DNAI7: variants seen among roughly 807,000 people sequenced by gnomAD.
The protein encoded by DNAI7 is cancer susceptibility 1.
DNAI7 carries 78 observed loss-of-function variants against 86.6 expected under a neutral mutation model. The ratio of observed to expected loss-of-function variants is 0.90; its 90% CI spans 0.75 to 1.09. The LOEUF is 1.09. DNAI7 is among the 50% of genes least tolerant of loss of function. DNAI7 has a pLI of 0.00. For synonymous variants in DNAI7, 274 were observed against 273.0 expected, an observed-to-expected ratio of 1.00 and a Z score of -0.04; for missense variants, 753 against 810.2, an observed-to-expected ratio of 0.93 and a Z score of 0.86.
In DNAI7 at chr12:25,144,499, C is replaced by G. The variant is rs148684433; in HGVS notation, c.868G>C (p.Asp290His). The change falls in exon 9 of 16, where the codon GAT becomes CAT. Residue 290 changes from aspartate (D) to histidine (H), a missense_variant. Physicochemically the swap from Asp to His is moderately conservative, Grantham distance 81. Coordinates refer to ENST00000395987, the MANE Select transcript of DNAI7 (RefSeq NM_018272.5). ...ATTGCTTTTTCTACATTCTTAACAT[C>G]ATCTTTGACAAGCTCAGTTACTGCA... is the stretch of plus-strand genomic sequence containing the variant. ...TSAVTELVKD[D>H]VKNVEKAISK... 6.2e-7 allele frequency: 1 copy of G among 1,614,122 alleles called. No homozygotes were observed. Among genetic ancestry groups the G allele is most frequent in the Non-Finnish European group, 8.5e-7 (1 of 1,180,016 alleles).
At chr12:25,150,472 C>T (rs973662831) in intron 6 of DNAI7, among the ~76,000 whole-genome samples, 22 of 151,756 alleles carry the variant, frequency 1.4e-4, no homozygotes, top group Admixed American at 8.5e-4. Flanking sequence ...GGTGTGGTGG[C>T]GGGCGCCTGT....
chr12:25,174,496 C>CATATATATGGGA (rs1565811566), intron 2 of DNAI7, among the ~76,000 whole-genome samples: 1 of 2,890 alleles, frequency 3.5e-4, no homozygotes, highest in South Asian at 0.01. Context: ...TATCATATAT[C>CATATATATGGGA]CCATATATAT....
chr12:25,119,033 G>C (rs1940743529), intron 12 of DNAI7, 112 bp downstream of exon 12: 2 of 815,408 alleles, frequency 2.5e-6, no homozygotes, highest in Non-Finnish European at 3.6e-6. Context: ...CCCTTGAATT[G>C]GCATAGAAAT....
chr12:25,185,119 C>T (rs2141328984), intron 2 of DNAI7, among the ~76,000 whole-genome samples: 1 of 152,176 alleles, frequency 6.6e-6, no homozygotes, highest in Admixed American at 6.5e-5. Flanking sequence ...GCCTGGGTGA[C>T]ACAGCAAGAT....
intron 2 of DNAI7, among the ~76,000 whole-genome samples, chr12:25,169,206 C>T (rs2141123347): frequency 6.6e-6 from 1 of 152,266 alleles, no homozygotes; most frequent in South Asian, 2.1e-4. Flanking sequence ...CATTCCACCA[C>T]AAAAGAAGTG....
At chr12:25,113,567 T>C (rs1367970764) in intron 13 of DNAI7, among the ~76,000 whole-genome samples, 1 of 152,162 alleles carries the variant, frequency 6.6e-6, no homozygotes. Flanking sequence ...CCCAAAGTGC[T>C]AGGATTACAG....
chr12:25,143,286 T>C (rs1314675679), intron 9 of DNAI7, among the ~76,000 whole-genome samples: 1 of 149,608 alleles, frequency 6.7e-6, no homozygotes, highest in Non-Finnish European at 1.5e-5. Context: ...TCTCACTCTG[T>C]CACCCAGGCT....
chr12:25,174,497 C>CATATATATCATATATAT (rs1456184035), intron 2 of DNAI7, among the ~76,000 whole-genome samples: 1 of 2,880 alleles, frequency 3.5e-4, no homozygotes, highest in South Asian at 0.01. Context: ...ATCATATATC[C>CATATATATCATATATAT]CATATATATG....
At chr12:25,165,266 T>C (rs1000596538) in intron 2 of DNAI7, among the ~76,000 whole-genome samples, 5 of 152,162 alleles carry the variant, frequency 3.3e-5, no homozygotes, top group Admixed American at 3.3e-4. Context: ...AATAATAAAG[T>C]AGAGGCAGCC....
chr12:25,138,356 A>C (rs986649257), intron 9 of DNAI7, among the ~76,000 whole-genome samples: 1 of 152,184 alleles, frequency 6.6e-6, no homozygotes, highest in Non-Finnish European at 1.5e-5. Context: ...CCAGCTATCC[A>C]GGAGGCTGAA....
chr12:25,143,210 A>G (rs1235327892), intron 9 of DNAI7, among the ~76,000 whole-genome samples: 1 of 150,186 alleles, frequency 6.7e-6, no homozygotes, highest in Non-Finnish European at 1.5e-5. Flanking sequence ...GCATTATGTC[A>G]TATCCATTTT....
chr12:25,160,664 T>G (rs1250046880), intron 3 of DNAI7, among the ~76,000 whole-genome samples: 1 of 152,254 alleles, frequency 6.6e-6, no homozygotes, highest in African/African-American at 2.4e-5. Flanking sequence ...CTTGTCCAAG[T>G]GTGCACCCAC....
chr12:25,124,612 C>T (rs899516718), intron 9 of DNAI7, among the ~76,000 whole-genome samples: 12 of 152,046 alleles, frequency 7.9e-5, no homozygotes, highest in African/African-American at 2.9e-4. Context: ...TAAGTTTGAA[C>T]TAAATTTTTT....
At chr12:25,114,897 C>G (rs917369463) in intron 12 of DNAI7, 27 bp from the exon 13 acceptor site, 3 of 1,521,376 alleles carry the variant, frequency 2.0e-6, no homozygotes, top group Non-Finnish European at 2.7e-6. Flanking sequence ...GAAAGTGACA[C>G]TAGTTTCATT....
intron 14 of DNAI7, 114 bp downstream of exon 14, chr12:25,111,658 C>T (rs1938844982): frequency 2.2e-6 from 1 of 453,614 alleles, no homozygotes; most frequent in African/African-American, 2.1e-5. Flanking sequence ...CTTTATAATA[C>T]TGTATAAATG....
At chr12:25,175,753 C>T (rs779312374) in intron 2 of DNAI7, among the ~76,000 whole-genome samples, 6 of 152,136 alleles carry the variant, frequency 3.9e-5, no homozygotes, top group Non-Finnish European at 5.9e-5. Flanking sequence ...TTTCACAGTA[C>T]TCTTTGAAGT....
chr12:25,152,229 T>G (rs553098738), intron 6 of DNAI7, among the ~76,000 whole-genome samples: 1 of 152,348 alleles, frequency 6.6e-6, no homozygotes, highest in South Asian at 2.1e-4. Context: ...GCTAATATGA[T>G]GAGTCTCAGA....
intron 2 of DNAI7, among the ~76,000 whole-genome samples, chr12:25,172,873 A>G (rs1948296227): frequency 6.6e-6 from 1 of 152,198 alleles, no homozygotes; most frequent in Non-Finnish European, 1.5e-5. Flanking sequence ...TTTTCAACAA[A>G]TGGTGCTGGG....
At position 25,114,881 on chromosome 12, in the gene DNAI7, G is replaced by A. The variant is rs1330589515; in HGVS notation, c.1397-11C>T. The stretch of plus-strand genomic sequence containing the variant: ...TTCTCCAATGTTTACCTTTATAATT[G>A]ATGAAGAAAGTGACACTAGTTTCAT... On this transcript the variant is annotated splice_polypyrimidine_tract_variant and intron_variant, in intron 12 of 15. Transcript: ENST00000395987. 7.0e-6 allele frequency: 11 copies of A among 1,572,616 alleles called. No homozygotes were observed. The highest frequency in any genetic ancestry group is 8.7e-6 in the Non-Finnish European group (10 of 1,148,930).
Sources: gnomAD v4.1 joint callset for allele counts (sites outside exome capture counted in the v4.1 genomes callset) on GRCh38, gnomAD v4.1.1 for gene constraint, MANE v1.5 for transcripts, NCBI Gene and HGNC (gene_info 2026-07-23, HGNC 2026-07-21) for gene names.